MAGI2: variants seen among roughly 807,000 people sequenced by gnomAD.
MAGI2 encodes membrane-associated guanylate kinase, WW and PDZ domain-containing protein 2.
A neutral mutation model predicts 133.3 loss-of-function variants in MAGI2; 35 were observed. That is an observed-to-expected ratio of 0.26 (90% confidence interval 0.20 to 0.35). MAGI2 has a LOEUF of 0.35. MAGI2 is among the 10% of genes least tolerant of loss of function. The pLI, the probability that MAGI2 is intolerant of heterozygous loss-of-function variation, is 1.00. For synonymous variants in MAGI2, 729 were observed against 710.6 expected, an observed-to-expected ratio of 1.03 and a Z score of -0.41; for missense variants, 1,636 against 1,863.4, an observed-to-expected ratio of 0.88 and a Z score of 2.25.
chr7:79,308,225 A>G (rs1321568342), intron 1 of MAGI2, among the ~76,000 whole-genome samples: 2 of 152,194 alleles, frequency 1.3e-5, no homozygotes, highest in East Asian at 1.9e-4. Context: ...TCATGAAGAC[A>G]TTGTCATGGA....
rs1486281075 is a variant in MAGI2, at chr7:79,207,483, A to T, written c.302-200277T>A. 2.6e-5 allele frequency among the ~76,000 whole-genome samples: 4 copies of T among 151,634 alleles called. No homozygotes were observed. In the East Asian group the frequency reaches 7.7e-4, roughly 29 times the overall value. On this transcript the variant is annotated intron_variant, in intron 1 of 21. Coordinates refer to ENST00000354212, the MANE Select transcript of MAGI2 (RefSeq NM_012301.4). Reference sequence around the variant, plus strand: ...ACTTATAATTGCTACAAAATATAAAATATTAGTAACAAATTTAACCAAGGA... The same window carrying T: ...ACTTATAATTGCTACAAAATATAAATTATTAGTAACAAATTTAACCAAGGA...
At chr7:78,818,235 A>G (rs1023207269) in intron 2 of MAGI2, among the ~76,000 whole-genome samples, 1 of 152,216 alleles carries the variant, frequency 6.6e-6, no homozygotes, top group Non-Finnish European at 1.5e-5. Context: ...AGTACCTTAT[A>G]TATAACAAAG....
At chr7:79,123,976 A>G (rs1440900393) in intron 1 of MAGI2, among the ~76,000 whole-genome samples, 2 of 151,016 alleles carry the variant, frequency 1.3e-5, no homozygotes, top group Non-Finnish European at 2.9e-5. Context: ...TCACCTTTTC[A>G]CTGTCCTGTT....
At chr7:78,893,835 C>G (rs1796980046) in intron 2 of MAGI2, among the ~76,000 whole-genome samples, 1 of 152,014 alleles carries the variant, frequency 6.6e-6, no homozygotes, top group African/African-American at 2.4e-5. Context: ...ATGTAACAAA[C>G]CTGCACGTTG....
At chr7:78,656,697 T>A (rs1812317663) in intron 2 of MAGI2, among the ~76,000 whole-genome samples, 1 of 152,316 alleles carries the variant, frequency 6.6e-6, no homozygotes, top group Admixed American at 6.5e-5. Flanking sequence ...CATATTTGAC[T>A]GCTATAATTT....
chr7:79,088,206 C>A (rs1005694975), intron 1 of MAGI2, among the ~76,000 whole-genome samples: 1 of 152,012 alleles, frequency 6.6e-6, no homozygotes, highest in East Asian at 1.9e-4. Flanking sequence ...CGAACTACAA[C>A]CCCTTGAAGA....
rs547544803 is a variant in MAGI2 at position 78,868,408 on chromosome 7, G to C, written c.418+138682C>G. On this transcript the variant is annotated intron_variant, in intron 2 of 21. Coordinates refer to ENST00000354212, the MANE Select transcript of MAGI2 (RefSeq NM_012301.4). ...TTCACAAAGAAAGTGGAAGAGCAAG[G>C]TCTTCAACTTAAGCAGTCTGGCACC... 1.5e-3 allele frequency among the ~76,000 whole-genome samples: 225 copies of C among 152,252 alleles called. 1 individual carries two copies. Among genetic ancestry groups the C allele is most frequent in the Middle Eastern group, 3.4e-3 (1 of 294 alleles).
At chr7:78,902,824 C>G (rs1279564836) in intron 2 of MAGI2, among the ~76,000 whole-genome samples, 1 of 152,084 alleles carries the variant, frequency 6.6e-6, no homozygotes, top group Non-Finnish European at 1.5e-5. Flanking sequence ...CAGAAACAAA[C>G]CCTAGGAAGT....
chr7:79,433,505 A>G (rs940555600), intron 1 of MAGI2, among the ~76,000 whole-genome samples: 1 of 151,912 alleles, frequency 6.6e-6, no homozygotes. Flanking sequence ...CTGAGGCGAG[A>G]TAGCGCCACT....
chr7:79,089,861 G>A (rs1793904306), intron 1 of MAGI2, among the ~76,000 whole-genome samples: 1 of 152,104 alleles, frequency 6.6e-6, no homozygotes, highest in South Asian at 2.1e-4. Flanking sequence ...GGGGCTAGAG[G>A]AGGGACAGCA....
chr7:78,090,373 G>A (rs1003701058), intron 20 of MAGI2, among the ~76,000 whole-genome samples: 4 of 152,130 alleles, frequency 2.6e-5, no homozygotes, highest in Admixed American at 2.6e-4. Context: ...GCATTGCCTT[G>A]AAAATAATAG....
intron 1 of MAGI2, among the ~76,000 whole-genome samples, chr7:79,108,036 T>C (rs970301103): frequency 2.0e-5 from 3 of 152,212 alleles, no homozygotes; most frequent in Non-Finnish European, 2.9e-5. Context: ...AAATACCTGA[T>C]ATGACTAAGA....
chr7:78,766,646 C>G (rs1825055200), intron 2 of MAGI2, among the ~76,000 whole-genome samples: 3 of 152,222 alleles, frequency 2.0e-5, no homozygotes, highest in Admixed American at 2.0e-4. Flanking sequence ...AACAACTATT[C>G]TAACTGTTCC....
At chr7:79,043,548 A>G (rs1374129820) in intron 1 of MAGI2, among the ~76,000 whole-genome samples, 4 of 149,982 alleles carry the variant, frequency 2.7e-5, no homozygotes, top group African/African-American at 9.8e-5. Context: ...ATCACAAAAA[A>G]AAAAAAAAAA....
In MAGI2 at chr7:79,051,717, G is replaced by A. The variant is rs1812686186; in HGVS notation, c.302-44511C>T. Among the ~76,000 whole-genome samples the A allele has an allele frequency of 2.6e-5, 4 of 152,102 alleles. No homozygotes were observed. In the South Asian group the frequency reaches 8.3e-4, roughly 32 times the overall value. On this transcript the variant is annotated intron_variant, in intron 1 of 21. Coordinates refer to ENST00000354212, the MANE Select transcript of MAGI2 (RefSeq NM_012301.4). Reference sequence around the variant, plus strand: ...AATTTATACAAGAAAAAATGTAATGGGCACACTGGGGAGCTTTTAATGTCA... The same window carrying A: ...AATTTATACAAGAAAAAATGTAATGAGCACACTGGGGAGCTTTTAATGTCA...
intron 1 of MAGI2, among the ~76,000 whole-genome samples, chr7:79,023,219 A>C (rs7785018): frequency 0.59 from 88,993 of 151,910 alleles, 26,400 homozygotes; most frequent in East Asian, 0.63. Flanking sequence ...CATAAACAGA[A>C]CTAAAGACAG....
At chr7:78,662,035 A>T (rs1020378451) in intron 2 of MAGI2, among the ~76,000 whole-genome samples, 2 of 152,176 alleles carry the variant, frequency 1.3e-5, no homozygotes, top group African/African-American at 4.8e-5. Flanking sequence ...TACACGGGTC[A>T]TCACAGATCT....
chr7:79,137,175 C>T (rs1031478592), intron 1 of MAGI2, among the ~76,000 whole-genome samples: 1 of 152,052 alleles, frequency 6.6e-6, no homozygotes, highest in Non-Finnish European at 1.5e-5. Flanking sequence ...AAGAAACCTC[C>T]AAACCCGTAA....
At chr7:78,286,973 G>C (rs1205952404) in intron 9 of MAGI2, among the ~76,000 whole-genome samples, 1 of 152,196 alleles carries the variant, frequency 6.6e-6, no homozygotes, top group African/African-American at 2.4e-5. Flanking sequence ...TGCGACATAA[G>C]GCTGCACATG....
Sources: allele counts gnomAD v4.1 joint callset (sites outside exome capture counted in the v4.1 genomes callset), GRCh38; gene constraint gnomAD v4.1.1; transcripts MANE v1.5; gene names NCBI Gene and HGNC (gene_info 2026-07-23, HGNC 2026-07-21).